GPC5: variants seen among roughly 807,000 people sequenced by gnomAD.
GPC5 encodes glypican-5.
GPC5 carries 47 observed loss-of-function variants against 53.9 expected under a neutral mutation model. That is an observed-to-expected ratio of 0.87 (90% confidence interval 0.69 to 1.11). GPC5 has a LOEUF of 1.11. GPC5 is among the 50% of genes most tolerant of loss of function. The pLI is 0.00. For missense variants in GPC5, 748 were observed against 713.1 expected (o/e 1.05, Z -0.56); for synonymous variants, 286 against 263.3 (o/e 1.09, Z -0.84).
At chr13:92,709,437 G>A (rs528910662) in intron 7 of GPC5, 85 of 152,198 alleles carry the variant, frequency 5.6e-4, no homozygotes, top group African/African-American at 1.8e-3. Flanking sequence ...CTTTGCTTCA[G>A]TAACAATCTT....
chr13:92,596,121 A>C (rs1883872549), intron 7 of GPC5, among the ~76,000 whole-genome samples: 2 of 152,136 alleles, frequency 1.3e-5, no homozygotes, highest in South Asian at 4.1e-4. Flanking sequence ...TTTCAGATGA[A>C]GAAATGTTGT....
chr13:91,673,706 GA>G (rs1664159108), intron 2 of GPC5, among the ~76,000 whole-genome samples: 1 of 152,040 alleles, frequency 6.6e-6, no homozygotes, highest in African/African-American at 2.4e-5. Context: ...TTCTGCCCAT[GA>G]GACTTATTGA....
intron 7 of GPC5, among the ~76,000 whole-genome samples, chr13:92,541,917 G>A (rs559254725): frequency 3.4e-4 from 51 of 151,936 alleles, no homozygotes; most frequent in African/African-American, 1.2e-3. Flanking sequence ...GCTTATGTTA[G>A]ATTAAATGAC....
intron 6 of GPC5, among the ~76,000 whole-genome samples, chr13:91,939,209 A>C (rs2039901601): frequency 6.6e-6 from 1 of 152,166 alleles, no homozygotes; most frequent in Admixed American, 6.5e-5. Flanking sequence ...TCTTTTATAC[A>C]GGCTAACTTG....
chr13:92,815,897 A>G (rs767203540), intron 7 of GPC5, among the ~76,000 whole-genome samples: 16 of 151,994 alleles, frequency 1.1e-4, no homozygotes, highest in Non-Finnish European at 1.8e-4. Flanking sequence ...AGTTTTGGAG[A>G]TGGAAATCAA....
At chr13:91,866,095 C>T (rs1349005860) in intron 5 of GPC5, among the ~76,000 whole-genome samples, 4 of 152,018 alleles carry the variant, frequency 2.6e-5, no homozygotes, top group South Asian at 2.1e-4. Flanking sequence ...CTCGAACTCC[C>T]GACCTCAGCT....
chr13:92,224,532 A>G (rs1411264017), intron 7 of GPC5, among the ~76,000 whole-genome samples: 1 of 152,202 alleles, frequency 6.6e-6, no homozygotes, highest in Non-Finnish European at 1.5e-5. Context: ...GGATTTCAAT[A>G]GGGTCCACCA....
chr13:92,061,937 C>T (rs574590840), intron 6 of GPC5, among the ~76,000 whole-genome samples: 8 of 152,060 alleles, frequency 5.3e-5, no homozygotes, highest in African/African-American at 1.7e-4. Context: ...TCTTTTTCAT[C>T]CCTACTATTC....
At chr13:92,031,955 A>G (rs1339001932) in intron 6 of GPC5, among the ~76,000 whole-genome samples, 2 of 123,830 alleles carry the variant, frequency 1.6e-5, no homozygotes, top group African/African-American at 6.1e-5. Flanking sequence ...ATTCCATCAG[A>G]TATATTATAT....
intron 2 of GPC5, among the ~76,000 whole-genome samples, chr13:91,522,760 G>A (rs370888668): frequency 9.8e-5 from 15 of 152,304 alleles, no homozygotes; most frequent in East Asian, 9.7e-4. Flanking sequence ...GTGAGAACAT[G>A]TGGTGTTTGG....
intron 6 of GPC5, among the ~76,000 whole-genome samples, chr13:92,008,909 T>C (rs963389962): frequency 2.6e-5 from 4 of 152,174 alleles, no homozygotes; most frequent in African/African-American, 7.2e-5. Context: ...TATTGCTATG[T>C]CTTCAAATTC....
At chr13:91,816,320 G>T (rs1189631103) in intron 5 of GPC5, among the ~76,000 whole-genome samples, 2 of 152,100 alleles carry the variant, frequency 1.3e-5, no homozygotes, top group Non-Finnish European at 2.9e-5. Flanking sequence ...ATGCTTAAAA[G>T]AATGGCAATT....
At position 91,625,241 on chromosome 13, in the gene GPC5, C is replaced by T. The variant is rs574016678; in HGVS notation, c.326-67946C>T. ...TAAAAAAAAAAAATCAATAACACTCCTACAAGAAGATTTAGGCTACTATAT... is the reference window on the plus strand; with the variant it reads ...TAAAAAAAAAAAATCAATAACACTCTTACAAGAAGATTTAGGCTACTATAT... On this transcript the variant is annotated intron_variant, in intron 2 of 7. Transcript: ENST00000377067. 1.7e-3 allele frequency among the ~76,000 whole-genome samples: 255 copies of T among 151,782 alleles called. 1 individual carries two copies. Among genetic ancestry groups the T allele is most frequent in the African/African-American group, 5.9e-3 (244 of 41,452 alleles).
At chr13:92,156,658 C>G (rs1489466634) in intron 7 of GPC5, among the ~76,000 whole-genome samples, 1 of 152,068 alleles carries the variant, frequency 6.6e-6, no homozygotes, top group Non-Finnish European at 1.5e-5. Flanking sequence ...TCAAGTTAGT[C>G]TTTTCATTTT....
chr13:92,148,325 G>A (rs1165401973), intron 7 of GPC5, among the ~76,000 whole-genome samples: 4 of 151,814 alleles, frequency 2.6e-5, no homozygotes. Context: ...GATGACAGAG[G>A]GGTCTCTATA....
chr13:92,082,062 T>A (rs1483624339), intron 6 of GPC5, among the ~76,000 whole-genome samples: 1 of 152,020 alleles, frequency 6.6e-6, no homozygotes, highest in Non-Finnish European at 1.5e-5. Flanking sequence ...TTAAGATGAG[T>A]TTCCTAGTAG....
At chr13:91,865,992 C>A (rs1191973357) in intron 5 of GPC5, among the ~76,000 whole-genome samples, 2 of 152,292 alleles carry the variant, frequency 1.3e-5, no homozygotes, top group East Asian at 1.9e-4. Flanking sequence ...CTCAGCCTCC[C>A]AAGTAGCTGG....
At chr13:92,818,864 AC>A (rs750432746) in intron 7 of GPC5, among the ~76,000 whole-genome samples, 16 of 152,086 alleles carry the variant, frequency 1.1e-4, no homozygotes, top group Non-Finnish European at 1.8e-4. Context: ...GCTCTAACCC[AC>A]TGGCAAATAC....
At chr13:92,301,475 G>C (rs16947286) in intron 7 of GPC5, among the ~76,000 whole-genome samples, 8 of 152,096 alleles carry the variant, frequency 5.3e-5, no homozygotes, top group Non-Finnish European at 1.0e-4. Context: ...GCAAAATACC[G>C]ACTCTTCATT....
Sources: allele counts gnomAD v4.1 joint callset (sites outside exome capture counted in the v4.1 genomes callset), GRCh38; gene constraint gnomAD v4.1.1; transcripts MANE v1.5; gene names NCBI Gene and HGNC (gene_info 2026-07-23, HGNC 2026-07-21).